The following CFAP52 variants were observed in gnomAD, a reference collection of about 807,000 sequenced individuals.
CFAP52 encodes the protein cilia and flagella associated protein 52.
CFAP52 carries 57 observed loss-of-function variants against 70.5 expected under a neutral mutation model. The ratio of observed to expected loss-of-function variants is 0.81; its 90% CI spans 0.65 to 1.01. CFAP52 has a LOEUF of 1.01. Among genes scored for constraint, CFAP52 ranks in the 50% least tolerant of loss-of-function variants. The pLI, the probability that CFAP52 is intolerant of heterozygous loss-of-function variation, is 0.00. For missense variants in CFAP52, 785 were observed against 788.5 expected, an observed-to-expected ratio of 1.00 and a Z score of 0.05; for synonymous variants, 267 against 292.5, an observed-to-expected ratio of 0.91 and a Z score of 0.89.
chr17:9,634,328 GTTGTGACAGATCCT>G (rs2151951172), intron 10 of CFAP52, among the ~76,000 whole-genome samples: 1 of 152,300 alleles, frequency 6.6e-6, no homozygotes, highest in East Asian at 1.9e-4. Flanking sequence ...TTCTGGTGTA[GTTGTGACAGATCCT>G]TTGTCCATTA....
chr17:9,605,672 G>A (rs1422689838), intron 6 of CFAP52, among the ~76,000 whole-genome samples: 5 of 132,408 alleles, frequency 3.8e-5, no homozygotes, highest in African/African-American at 1.5e-4. Flanking sequence ...CTTCAGCCTG[G>A]CGACAGAGTG....
intron 4 of CFAP52, 33 bp from the exon 5 acceptor site, chr17:9,598,201 G>T (rs1909103238): frequency 2.6e-6 from 4 of 1,517,388 alleles, no homozygotes; most frequent in Admixed American, 1.8e-5. Flanking sequence ...GTGTCCATTT[G>T]ATTGTGGTTT....
intron 11 of CFAP52, among the ~76,000 whole-genome samples, chr17:9,636,932 C>A (rs549062848): frequency 6.6e-6 from 1 of 152,280 alleles, no homozygotes; most frequent in East Asian, 1.9e-4. Flanking sequence ...GTTATCCCAG[C>A]TACTCAGGAG....
chr17:9,592,191 G>T (rs1228463957), intron 3 of CFAP52, among the ~76,000 whole-genome samples: 1 of 152,094 alleles, frequency 6.6e-6, no homozygotes, highest in South Asian at 2.1e-4. Flanking sequence ...AGCCAGGCAC[G>T]GTGGCTCACG....
At position 9,600,098 on chromosome 17, in the gene CFAP52, G is replaced by T; in HGVS notation, c.668G>T (p.Gly223Val). The T allele has an allele frequency of 3.7e-6, 6 of 1,613,696 alleles. No individual in the cohort carries two copies. Among genetic ancestry groups the T allele is most frequent in the Non-Finnish European group, 5.1e-6 (6 of 1,179,832 alleles). ...VDDDDSFFYL[G>V]TTTGDILKMN... ...GATGATGATAGCTTTTTCTACCTTG[G>T]CACCACGACTGGAGATATTCTAAAA... The change falls in exon 6 of 14, where the codon GGC becomes GTC. Residue 223 changes from glycine to valine, a missense_variant. Transcript: ENST00000352665.
chr17:9,584,574 C>G (rs1162058030), intron 1 of CFAP52, among the ~76,000 whole-genome samples: 4 of 149,068 alleles, frequency 2.7e-5, no homozygotes, highest in Middle Eastern at 6.8e-3. Context: ...GATGAAAACA[C>G]TTAAGATCAA....
At chr17:9,596,707 T>C (rs111721616) in intron 4 of CFAP52, among the ~76,000 whole-genome samples, 2,787 of 151,006 alleles carry the variant, frequency 0.018, 75 homozygotes, top group African/African-American at 0.064. Flanking sequence ...TCATGGTTGT[T>C]GTGTGTGTGT....
At chr17:9,594,169 T>G (rs1183069115) in intron 3 of CFAP52, 24 bp from the exon 4 acceptor site, 1 of 1,547,768 alleles carries the variant, frequency 6.5e-7, no homozygotes, top group Admixed American at 2.1e-5. Context: ...GACTTTTTTT[T>G]TTTGGTCCCT....
chr17:9,640,917 T>C (rs1911026398), intron 12 of CFAP52, among the ~76,000 whole-genome samples: 2 of 152,206 alleles, frequency 1.3e-5, no homozygotes, highest in South Asian at 4.1e-4. Context: ...GTGCTGGGAT[T>C]ATAGGTGTGA....
chr17:9,582,265 C>T (rs1908260716), intron 1 of CFAP52, among the ~76,000 whole-genome samples: 1 of 152,192 alleles, frequency 6.6e-6, no homozygotes, highest in Admixed American at 6.6e-5. Flanking sequence ...TTTACTCTCC[C>T]ACCAAGCATT....
rs1047402718 is a variant in CFAP52 at position 9,635,122 on chromosome 17, G to A, written c.1321-283G>A. Among the ~76,000 whole-genome samples the A allele has an allele frequency of 2.0e-5, 3 of 152,076 alleles. No individual in the cohort carries two copies. The South Asian group carries it at 6.2e-4, about 32-fold the overall frequency. ...GTTTTGCGTTGGCCCTTGCATTATC[G>A]ATTTGCATAGCAGGTGTCTGATTAA... On this transcript the variant is annotated intron_variant, in intron 10 of 13. Transcript: ENST00000352665.
At chr17:9,640,224 C>A (rs1047241864) in intron 12 of CFAP52, among the ~76,000 whole-genome samples, 2 of 125,614 alleles carry the variant, frequency 1.6e-5, no homozygotes, top group Admixed American at 8.2e-5. Flanking sequence ...GTCAAGCACT[C>A]TTTTTTTTTT....
At chr17:9,600,858 C>T (rs1382310663) in intron 6 of CFAP52, among the ~76,000 whole-genome samples, 1 of 152,158 alleles carries the variant, frequency 6.6e-6, no homozygotes, top group East Asian at 1.9e-4. Context: ...TTGCAAGGTA[C>T]ATTGGCCAGT....
rs1048528588 is a variant in CFAP52 at position 9,600,081 on chromosome 17, T to C, written c.651T>C (p.Asp217=). 3.1e-6 allele frequency: 5 copies of C among 1,613,236 alleles called. No individual in the cohort carries two copies. The highest frequency in any genetic ancestry group is 1.7e-5 in the Admixed American group (1 of 59,934). Residue 217 remains aspartate (D), a synonymous_variant, in exon 6 of 14, where the codon GAT becomes GAC. Coordinates refer to ENST00000352665, the MANE Select transcript of CFAP52 (RefSeq NM_145054.5). The part of the protein sequence containing the change: ...IVMSIGVDDD[D]SFFYLGTTTG... ...TGCTTCTTCAGGTGGATGATGATGA[T>C]AGCTTTTTCTACCTTGGCACCACGA...
chr17:9,608,304 G>T (rs1233543194), intron 7 of CFAP52, 85 bp downstream of exon 7: 3 of 1,117,658 alleles, frequency 2.7e-6, no homozygotes, highest in Non-Finnish European at 3.7e-6. Context: ...GATGATATCG[G>T]CAAAGTGATA....
At chr17:9,577,698 C>T (rs927968844) in intron 1 of CFAP52, among the ~76,000 whole-genome samples, 2 of 152,214 alleles carry the variant, frequency 1.3e-5, no homozygotes, top group Admixed American at 1.3e-4. Context: ...TATCAGATAT[C>T]TTGAGAGTTG....
chr17:9,636,223 GA>G (rs1910788997), intron 11 of CFAP52, among the ~76,000 whole-genome samples: 1 of 145,500 alleles, frequency 6.9e-6, no homozygotes, highest in Admixed American at 6.8e-5. Flanking sequence ...AAGAAAGAAA[GA>G]AAGAAAGAAA....
intron 6 of CFAP52, among the ~76,000 whole-genome samples, chr17:9,605,486 A>G (rs942705848): frequency 2.0e-4 from 31 of 151,940 alleles, no homozygotes; most frequent in African/African-American, 7.5e-4. Context: ...AGCTGAGACG[A>G]GCAGATCATG....
chr17:9,609,981 C>T (rs1450822901), intron 7 of CFAP52, among the ~76,000 whole-genome samples: 2 of 151,560 alleles, frequency 1.3e-5, no homozygotes, highest in African/African-American at 4.9e-5. Flanking sequence ...AACCTGGAAT[C>T]TGATTTCTGG....
Sources: gnomAD v4.1 joint callset for allele counts (sites outside exome capture counted in the v4.1 genomes callset) on GRCh38, gnomAD v4.1.1 for gene constraint, MANE v1.5 for transcripts, NCBI Gene and HGNC (gene_info 2026-07-23, HGNC 2026-07-21) for gene names.